The following CLIP1 variants were observed in gnomAD, a reference collection of about 807,000 sequenced individuals.
CLIP1 encodes the protein CAP-Gly domain containing linker protein 1, also known as CAP-Gly domain-containing linker protein 1.
Under a neutral mutation model 161.6 loss-of-function variants are expected in CLIP1, and 66 were observed. That is an observed-to-expected ratio of 0.41 (90% CI 0.33 to 0.50). CLIP1 has a LOEUF of 0.50. Among genes scored for constraint, CLIP1 ranks in the 20% least tolerant of loss-of-function variants. CLIP1 has a pLI of 0.27. For synonymous variants in CLIP1, 598 were observed against 626.2 expected (o/e 0.96, Z 0.67); for missense variants, 1,376 against 1,702.0 (o/e 0.81, Z 3.37).
chr12:122,318,830 C>A (rs1033652977), intron 18 of CLIP1, among the ~76,000 whole-genome samples: 2 of 152,106 alleles, frequency 1.3e-5, no homozygotes, highest in African/African-American at 4.8e-5. Context: ...AAAAGGAAAT[C>A]AGTACTGAAT....
chr12:122,415,181 C>A (rs1033132442), intron 1 of CLIP1, among the ~76,000 whole-genome samples: 11 of 152,256 alleles, frequency 7.2e-5, no homozygotes, highest in African/African-American at 2.6e-4. Flanking sequence ...ACACTGCTTT[C>A]CAATTAAGAT....
Position 122,380,389 on chromosome 12 carries a change from C to G in CLIP1, c.64G>C (p.Ala22Pro). ...PTKILKPGST[A>P]LKTPTAVVAP... ...TTACCAGCCGTAGGTGTCTTCAGAG[C>G]TGTGCTTCCAGGCTTCAGGATCTTG... Residue 22 changes from alanine (A) to proline (P), a missense_variant, in exon 2 of 26, where the codon GCT becomes CCT. This residue lies in a region of CLIP1 where 66 missense variants were observed against 67.8 expected (regional missense o/e 0.97). Transcript: ENST00000620786. 6.2e-7 allele frequency: 1 copy of G among 1,613,674 alleles called. No individual in the cohort carries two copies. The highest frequency in any genetic ancestry group is 8.5e-7 in the Non-Finnish European group (1 of 1,179,736).
rs965653543 is a variant in CLIP1, at chr12:122,377,563, G to T, written c.483C>A (p.Pro161=). The change falls in exon 3 of 26, where the codon CCC becomes CCA. Residue 161 remains proline (P), a synonymous_variant. Coordinates refer to ENST00000620786, the MANE Select transcript of CLIP1 (RefSeq NM_001247997.2). ...TCTGAGGGATGTTTGAAGGGGTGGA[G>T]GGGGAGGAAGACACCATGCTGGCCG... ...TSTASMVSSS[P]STPSNIPQKP... is the part of the protein sequence containing the mutation. 1 of 1,613,986 alleles carries T rather than the reference G, an allele frequency of 6.2e-7. No homozygotes were observed. The highest frequency in any genetic ancestry group is 8.5e-7 in the Non-Finnish European group (1 of 1,180,008).
rs1397894233 is a variant in CLIP1 at position 122,333,157 on chromosome 12, G to A, written c.2711-14C>T. On this transcript the variant is annotated splice_polypyrimidine_tract_variant and intron_variant, in intron 14 of 25. Coordinates refer to ENST00000620786, the MANE Select transcript of CLIP1 (RefSeq NM_001247997.2). Reference sequence around the variant, plus strand: ...TTGCCTCCATATCTAAATATATAGAGAAAAAAAGAATAGCACGGCTGTGTT... The same window carrying A: ...TTGCCTCCATATCTAAATATATAGAAAAAAAAAGAATAGCACGGCTGTGTT... 5 of 1,589,626 alleles carry A rather than the reference G, an allele frequency of 3.1e-6. No homozygotes were observed. Among genetic ancestry groups the A allele is most frequent in the Admixed American group, 1.7e-5 (1 of 57,414 alleles).
chr12:122,292,354 C>T (rs547174031), intron 20 of CLIP1, among the ~76,000 whole-genome samples: 28 of 152,100 alleles, frequency 1.8e-4, no homozygotes, highest in East Asian at 5.8e-4. Context: ...GTTATTCAGT[C>T]GGTTATAATC....
chr12:122,356,762 C>A (rs892130061), intron 5 of CLIP1, among the ~76,000 whole-genome samples: 3 of 151,834 alleles, frequency 2.0e-5, no homozygotes, highest in African/African-American at 7.3e-5. Context: ...CTCAGCCTGC[C>A]GAGTGCCTGC....
At chr12:122,391,263 G>GTCCAGCCCA (rs1955649348) in intron 1 of CLIP1, among the ~76,000 whole-genome samples, 1 of 151,958 alleles carries the variant, frequency 6.6e-6, no homozygotes, top group Non-Finnish European at 1.5e-5. Flanking sequence ...ACTCCAGCCC[G>GTCCAGCCCA]GGTGACAAAG....
intron 21 of CLIP1, chr12:122,280,299 A>T (rs1042750136): frequency 5.3e-5 from 8 of 151,810 alleles, no homozygotes; most frequent in African/African-American, 1.7e-4. Context: ...CTGGTCTCAA[A>T]CTCCTGACCT....
At chr12:122,350,069 T>G (rs1053665619) in intron 9 of CLIP1, among the ~76,000 whole-genome samples, 6 of 151,896 alleles carry the variant, frequency 4.0e-5, no homozygotes, top group African/African-American at 1.5e-4. Context: ...CATATTCGGC[T>G]AATTTTTGTA....
chr12:122,397,796 A>AT (rs1252709520), intron 1 of CLIP1, among the ~76,000 whole-genome samples: 3 of 151,646 alleles, frequency 2.0e-5, no homozygotes, highest in African/African-American at 7.3e-5. Context: ...CTAAAAAAAA[A>AT]ATATAAAAAT....
At chr12:122,285,101 C>T (rs1341614935) in intron 21 of CLIP1, among the ~76,000 whole-genome samples, 1 of 152,218 alleles carries the variant, frequency 6.6e-6, no homozygotes, top group African/African-American at 2.4e-5. Flanking sequence ...CAGGCATGTG[C>T]CACCATGTCC....
At position 122,379,943 on chromosome 12, in the gene CLIP1, T is replaced by TAAAAAAAAAAAAAAAAAAAAAAAAA. The variant is rs1566198620; in HGVS notation, c.85+424_85+425insTTTTTTTTTTTTTTTTTTTTTTTTT. On this transcript the variant is annotated intron_variant, in intron 2 of 25. Transcript: ENST00000620786. ...TGGGGAATAGAGCAAGACTCCATCT[T>TAAAAAAAAAAAAAAAAAAAAAAAAA]TAAAAAAAAAAAAAAAAAATGCAAG... 9.9e-5 allele frequency among the ~76,000 whole-genome samples: 7 copies of TAAAAAAAAAAAAAAAAAAAAAAAAA among 70,404 alleles called. 2 individuals carry two copies. In the East Asian group the frequency reaches 2.2e-3, roughly 22 times the overall value. 46.2% of individuals were successfully genotyped at this position (70,404 alleles called of 152,430 possible).
intron 3 of CLIP1, among the ~76,000 whole-genome samples, chr12:122,368,257 T>C (rs371447182): frequency 6.6e-6 from 1 of 152,190 alleles, no homozygotes; most frequent in Middle Eastern, 3.2e-3. Flanking sequence ...GAATACAGCG[T>C]TGGCCATTGA....
intron 19 of CLIP1, among the ~76,000 whole-genome samples, chr12:122,313,836 C>T (rs1280142150): frequency 6.6e-6 from 1 of 152,138 alleles, no homozygotes; most frequent in Non-Finnish European, 1.5e-5. Context: ...GGTGATCTCA[C>T]TGGAATACTA....
chr12:122,295,900 G>C (rs1052093524), intron 20 of CLIP1, among the ~76,000 whole-genome samples: 10 of 152,162 alleles, frequency 6.6e-5, no homozygotes, highest in African/African-American at 1.9e-4. Flanking sequence ...CATTTTGTCT[G>C]ATAGTAGTAT....
At chr12:122,419,622 T>C (rs1275449915) in intron 1 of CLIP1, among the ~76,000 whole-genome samples, 1 of 151,666 alleles carries the variant, frequency 6.6e-6, no homozygotes, top group Non-Finnish European at 1.5e-5. Context: ...GGCTTTCGAA[T>C]CCCAGCAGAC....
chr12:122,369,660 T>A (rs764147323), intron 3 of CLIP1, among the ~76,000 whole-genome samples: 12 of 151,602 alleles, frequency 7.9e-5, no homozygotes, highest in Admixed American at 4.0e-4. Context: ...AAAGATAATT[T>A]TCAACTGGTG....
chr12:122,418,087 C>T (rs572452465), intron 1 of CLIP1, among the ~76,000 whole-genome samples: 27 of 152,190 alleles, frequency 1.8e-4, no homozygotes, highest in Admixed American at 3.3e-4. Flanking sequence ...CCATGTGTCA[C>T]CTAACATACA....
chr12:122,356,766 TGCCTGCGATTGCA>T (rs1953397237), intron 5 of CLIP1, among the ~76,000 whole-genome samples: 1 of 152,028 alleles, frequency 6.6e-6, no homozygotes, highest in Non-Finnish European at 1.5e-5. Context: ...GCCTGCCGAG[TGCCTGCGATTGCA>T]GGCGCGCGCC....
Sources: gnomAD v4.1 joint callset for allele counts (sites outside exome capture counted in the v4.1 genomes callset) on GRCh38, gnomAD v4.1.1 for gene constraint, gnomAD v4.1.1 regional missense constraint, MANE v1.5 for transcripts, NCBI Gene and HGNC (gene_info 2026-07-23, HGNC 2026-07-21) for gene names.